Variants in FAM83E observed in about 807,000 individuals in gnomAD.
FAM83E encodes the protein protein FAM83E.
Under a neutral mutation model 34.3 loss-of-function variants are expected in FAM83E, and 29 were observed. The ratio of observed to expected loss-of-function variants is 0.85; its 90% CI spans 0.63 to 1.15. FAM83E has a LOEUF of 1.15. FAM83E is among the 50% of genes most tolerant of loss of function. FAM83E has a pLI of 0.00. For missense variants in FAM83E, 697 were observed against 685.0 expected, an observed-to-expected ratio of 1.02 and a Z score of -0.20; for synonymous variants, 312 against 311.6, an observed-to-expected ratio of 1.00 and a Z score of -0.01.
Position 48,613,226 on chromosome 19 carries a change from G to A in FAM83E, c.147C>T (p.Cys49=), listed in dbSNP as rs377700807. ...AGGGCCACAGCTCCTCGCGCTGCACGCAGGTCTGGAACGCCTCCGCGCCCT... is the reference window on the plus strand; with the variant it reads ...AGGGCCACAGCTCCTCGCGCTGCACACAGGTCTGGAACGCCTCCGCGCCCT... ...LSKGAEAFQT[C]VQREELWPFL... Residue 49 remains cysteine, a synonymous_variant, in exon 3 of 7, where the codon TGC becomes TGT. Transcript: ENST00000263266. 74 of 1,610,806 alleles carry A rather than the reference G, an allele frequency of 4.6e-5. No homozygotes were observed. The African/African-American group carries it at 6.7e-4, about 15-fold the overall frequency.
chr19:48,603,369 G>T (rs1356072313), intron 6 of FAM83E, 125 bp downstream of exon 6: 1 of 889,464 alleles, frequency 1.1e-6, no homozygotes, highest in Non-Finnish European at 1.5e-6. Flanking sequence ...ATTTAGGGGT[G>T]CAGGCCCTCA....
In FAM83E at chr19:48,600,612, G is replaced by T. The variant is rs1236075667; in HGVS notation, c.*497C>A. Among the ~76,000 whole-genome samples, 1 of 151,750 alleles carries T rather than the reference G, an allele frequency of 6.6e-6. No individual in the cohort carries two copies. Among genetic ancestry groups the T allele is most frequent in the East Asian group, 1.9e-4 (1 of 5,184 alleles). On this transcript the variant is annotated 3_prime_UTR_variant, in exon 7 of 7. Coordinates refer to ENST00000263266, the MANE Select transcript of FAM83E (RefSeq NM_017708.4). ...GCCTCCCAAAGTGCTGGGATTACAG[G>T]AGTGAGCCACCTCGATCAGCCTTTC...
intron 5 of FAM83E, among the ~76,000 whole-genome samples, chr19:48,607,902 C>T (rs142523033): frequency 6.6e-6 from 1 of 150,690 alleles, no homozygotes; most frequent in East Asian, 2.0e-4. Context: ...TCTTACGTTA[C>T]GTGCCACTGA....
In FAM83E at chr19:48,603,419, C is replaced by A. The variant is rs1973864682; in HGVS notation, c.1176+75G>T. On this transcript the variant is annotated intron_variant, in intron 6 of 6. Transcript: ENST00000263266. ...TGGCTGGGAGCAGGGCCCCTGGAGC[C>A]TGGCTTGCACCACCCTGGGCAAACG... 8 of 1,372,218 alleles carry A rather than the reference C, an allele frequency of 5.8e-6. No homozygotes were observed. In the Middle Eastern group the frequency reaches 1.6e-3, roughly 268 times the overall value. The allele number at this position is 1,372,218 out of a possible 1,614,324, so 85.0% of individuals were successfully genotyped here.
At chr19:48,609,414 G>A (rs1973999955) in intron 5 of FAM83E, among the ~76,000 whole-genome samples, 1 of 151,840 alleles carries the variant, frequency 6.6e-6, no homozygotes, top group Non-Finnish European at 1.5e-5. Context: ...TAGCTGGGAA[G>A]ACAGGGTTTC....
chr19:48,614,727 G>T lies in FAM83E; in HGVS notation c.-1275C>A. 1 of 981,356 alleles carries T rather than the reference G, an allele frequency of 1.0e-6. No individual in the cohort carries two copies. The highest frequency in any genetic ancestry group is 1.2e-6 in the Non-Finnish European group (1 of 828,382). The allele number at this position is 981,356 out of a possible 1,614,324, so 60.8% of individuals were successfully genotyped here. A position where few individuals can be genotyped will look rare whatever the true frequency, so the allele number is the denominator to read the frequency against. Reference sequence around the variant, plus strand: ...GCTCACCCACACCGGCTAGTGCCGGGCTCAATGGCCTCCCTTCCAGTGCCT... The same window carrying T: ...GCTCACCCACACCGGCTAGTGCCGGTCTCAATGGCCTCCCTTCCAGTGCCT... On this transcript the variant is annotated 5_prime_UTR_variant, in exon 2 of 7. Coordinates refer to ENST00000263266, the MANE Select transcript of FAM83E (RefSeq NM_017708.4).
At chr19:48,604,911 T>C (rs954985862) in intron 5 of FAM83E, among the ~76,000 whole-genome samples, 2 of 148,816 alleles carry the variant, frequency 1.3e-5, no homozygotes, top group African/African-American at 5.0e-5. Flanking sequence ...TTCCAGCTAC[T>C]CAGGAGGCTG....
At chr19:48,607,288 A>T in intron 5 of FAM83E, 1 of 1,600,004 alleles carries the variant, frequency 6.2e-7, no homozygotes, top group Non-Finnish European at 8.5e-7. Context: ...GAGCAGCCAG[A>T]CAGTGGGGGC....
rs904905300 is a variant in FAM83E at position 48,601,466 on chromosome 19, C to G, written c.1177-97G>C. On this transcript the variant is annotated intron_variant, in intron 6 of 6. Coordinates refer to ENST00000263266, the MANE Select transcript of FAM83E (RefSeq NM_017708.4). ...GGCAGGAGGTGAGGCAAGAGAGAAG[C>G]AGCGAAAGTGACAGACGGCCAGGCA... The G allele has an allele frequency of 2.7e-6, 4 of 1,494,608 alleles. No homozygotes were observed. The African/African-American group carries it at 5.6e-5, about 21-fold the overall frequency. The allele number at this position is 1,494,608 out of a possible 1,614,324, so 92.6% of individuals were successfully genotyped here. A position where few individuals can be genotyped will look rare whatever the true frequency, so the allele number is the denominator to read the frequency against.
chr19:48,612,837 G>A, intron 3 of FAM83E, 71 bp downstream of exon 3: 1 of 1,455,416 alleles, frequency 6.9e-7, no homozygotes, highest in Middle Eastern at 2.5e-4. Context: ...AGTCCCAGGA[G>A]GACAAGGGAG....
chr19:48,604,035 G>A, intron 5 of FAM83E, 124 bp from the exon 6 acceptor site: 1 of 948,894 alleles, frequency 1.1e-6, no homozygotes, highest in Non-Finnish European at 1.5e-6. Context: ...TCCAGCCTCA[G>A]CTTCCCTGTC....
At chr19:48,607,945 T>C (rs1484259675) in intron 5 of FAM83E, among the ~76,000 whole-genome samples, 1 of 152,038 alleles carries the variant, frequency 6.6e-6, no homozygotes, top group Non-Finnish European at 1.5e-5. Flanking sequence ...GTAAACACTC[T>C]TTCAAACATT....
Position 48,603,770 on chromosome 19 carries a change from C to T in FAM83E, c.900G>A (p.Ser300=), listed in dbSNP as rs186446771. The T allele has an allele frequency of 2.3e-3, 3,699 of 1,586,888 alleles. 8 individuals are homozygous for T. The highest frequency in any genetic ancestry group is 3.7e-3 in the Admixed American group (206 of 56,320). ...GGCCCCGCTGCAGGCCACCTATGAC[C>T]GAGGGTTTCTGGGGGGGCGCAGGTG... ...PLPPAPPQKP[S]VIGGLQRGRS... Residue 300 remains serine (S), a synonymous_variant, in exon 6 of 7, where the codon TCG becomes TCA. Transcript: ENST00000263266.
rs141755252 is a variant in FAM83E, at chr19:48,612,068, G to A, written c.465+840C>T. 1.1e-4 allele frequency among the ~76,000 whole-genome samples: 16 copies of A among 152,278 alleles called. No homozygotes were observed. In the East Asian group the frequency reaches 2.5e-3, roughly 24 times the overall value. On this transcript the variant is annotated intron_variant, in intron 3 of 6. Coordinates refer to ENST00000263266, the MANE Select transcript of FAM83E (RefSeq NM_017708.4). Reference sequence around the variant, plus strand: ...ACAGCCTGGGTTCAAATCCCCACTCGGCCACTTACAGGGAAGAGATTTAAC... The same window carrying A: ...ACAGCCTGGGTTCAAATCCCCACTCAGCCACTTACAGGGAAGAGATTTAAC...
At chr19:48,609,833 G>A in intron 5 of FAM83E, 43 bp downstream of exon 5, 2 of 1,600,356 alleles carry the variant, frequency 1.2e-6, no homozygotes, top group South Asian at 1.1e-5. Context: ...GGGAAAGTGG[G>A]GTATAGGACG....
chr19:48,609,684 A>G (rs1366355391), intron 5 of FAM83E, among the ~76,000 whole-genome samples, 192 bp downstream of exon 5: 1 of 152,128 alleles, frequency 6.6e-6, no homozygotes, highest in Non-Finnish European at 1.5e-5. Context: ...AGACTTACCC[A>G]AGACCACTAA....
chr19:48,611,779 G>A (rs1391771628), intron 3 of FAM83E, among the ~76,000 whole-genome samples: 1 of 152,150 alleles, frequency 6.6e-6, no homozygotes, highest in Non-Finnish European at 1.5e-5. Context: ...TACAAATCAC[G>A]TTTATAACAC....
rs1465199882 is a variant in FAM83E, at chr19:48,610,009, G to T, written c.634-9C>A. The T allele has an allele frequency of 2.5e-6, 4 of 1,610,110 alleles. No individual in the cohort carries two copies. The highest frequency in any genetic ancestry group is 2.5e-6 in the Non-Finnish European group (3 of 1,179,860). ...ACACGGACATCCACGTTCTGTTGGT[G>T]TGGGGAGTGGAGGGTACACCCTTGC... is the stretch of plus-strand genomic sequence containing the variant. On this transcript the variant is annotated splice_polypyrimidine_tract_variant and intron_variant, in intron 4 of 6. Transcript: ENST00000263266.
At chr19:48,609,748 GTT>G in intron 5 of FAM83E, 126 bp downstream of exon 5, 1 of 1,074,772 alleles carries the variant, frequency 9.3e-7, no homozygotes, top group Middle Eastern at 3.1e-4. Context: ...AGGGAAGAGT[GTT>G]TTGCCCCCAT....
Sources: gnomAD v4.1 joint callset for allele counts (sites outside exome capture counted in the v4.1 genomes callset) on GRCh38, gnomAD v4.1.1 for gene constraint, MANE v1.5 for transcripts, NCBI Gene and HGNC (gene_info 2026-07-23, HGNC 2026-07-21) for gene names.